ZNF532: variants seen among roughly 807,000 people sequenced by gnomAD.
ZNF532 encodes the protein zinc finger protein 532.
A neutral mutation model predicts 89.3 loss-of-function variants in ZNF532; 22 were observed. The ratio of observed to expected loss-of-function variants is 0.25; its 90% CI spans 0.18 to 0.35. The LOEUF (loss-of-function observed/expected upper bound fraction) is 0.35. Among genes scored for constraint, ZNF532 ranks in the 10% least tolerant of loss-of-function variants. ZNF532 has a pLI of 1.00. For missense variants in ZNF532, 1,132 were observed against 1,643.4 expected, an observed-to-expected ratio of 0.69 and a Z score of 5.38; for synonymous variants, 606 against 649.6, an observed-to-expected ratio of 0.93 and a Z score of 1.02.
At chr18:58,933,785 A>G (rs956080605) in intron 3 of ZNF532, among the ~76,000 whole-genome samples, 3 of 152,198 alleles carry the variant, frequency 2.0e-5, no homozygotes, top group Non-Finnish European at 2.9e-5. Context: ...TATTTTATAC[A>G]TAATCAGATT....
At chr18:58,887,887 C>T (rs567752543) in intron 2 of ZNF532, among the ~76,000 whole-genome samples, 13 of 152,250 alleles carry the variant, frequency 8.5e-5, no homozygotes, top group East Asian at 3.9e-4. Context: ...CTGCGTCCCC[C>T]GGGGCAGAGG....
chr18:58,898,965 T>C (rs1446471517), intron 2 of ZNF532, among the ~76,000 whole-genome samples: 1 of 152,256 alleles, frequency 6.6e-6, no homozygotes, highest in East Asian at 1.9e-4. Flanking sequence ...AAGCATAGTC[T>C]CTGGCTTTCA....
intron 2 of ZNF532, among the ~76,000 whole-genome samples, chr18:58,912,629 C>T (rs57892941): frequency 1.3e-5 from 2 of 151,998 alleles, no homozygotes; most frequent in African/African-American, 4.8e-5. Flanking sequence ...CTGGCTGTCT[C>T]GACTTAATCA....
At chr18:58,946,684 A>G (rs1304538218) in intron 5 of ZNF532, among the ~76,000 whole-genome samples, 2 of 152,206 alleles carry the variant, frequency 1.3e-5, no homozygotes, top group African/African-American at 2.4e-5. Context: ...GCTACGGTTA[A>G]TGATGACAAA....
At chr18:58,928,190 C>T (rs892106018) in intron 3 of ZNF532, among the ~76,000 whole-genome samples, 4 of 152,198 alleles carry the variant, frequency 2.6e-5, no homozygotes, top group Non-Finnish European at 4.4e-5. Context: ...TGCCTGTGAG[C>T]ACCAGCTGGG....
At chr18:58,923,992 GATTACAGGC>G (rs1456294530) in intron 3 of ZNF532, among the ~76,000 whole-genome samples, 1 of 152,146 alleles carries the variant, frequency 6.6e-6, no homozygotes, top group Non-Finnish European at 1.5e-5. Context: ...GAGCAGCTGG[GATTACAGGC>G]ACACATCACC....
intron 7 of ZNF532, among the ~76,000 whole-genome samples, chr18:58,962,457 C>T (rs2065451593): frequency 1.3e-5 from 2 of 152,126 alleles, no homozygotes; most frequent in Admixed American, 1.3e-4. Context: ...AGGAAGAAGT[C>T]CTTGTCAGCA....
At chr18:58,981,776 G>C (rs141879966) in intron 9 of ZNF532, among the ~76,000 whole-genome samples, 159 bp downstream of exon 9, 1 of 152,072 alleles carries the variant, frequency 6.6e-6, no homozygotes, top group Non-Finnish European at 1.5e-5. Context: ...AGGCCGAGGC[G>C]GGTAAATCAC....
chr18:58,896,314 C>T (rs1018753436), intron 2 of ZNF532: 5 of 151,996 alleles, frequency 3.3e-5, no homozygotes, highest in Non-Finnish European at 7.4e-5. Context: ...AAAAGTTTTC[C>T]ATCACCTTCA....
chr18:58,869,098 G>T (rs1333998242), intron 2 of ZNF532, among the ~76,000 whole-genome samples: 1 of 152,212 alleles, frequency 6.6e-6, no homozygotes, highest in Non-Finnish European at 1.5e-5. Context: ...TGGGATCACT[G>T]TGTGTACGTG....
At chr18:58,900,298 G>C (rs1485464898) in intron 2 of ZNF532, among the ~76,000 whole-genome samples, 2 of 152,210 alleles carry the variant, frequency 1.3e-5, no homozygotes, top group Non-Finnish European at 2.9e-5. Context: ...TCTGCCTGGG[G>C]GATAAACTTG....
rs192310041 is a variant in ZNF532 at position 58,895,607 on chromosome 18, G to A, written c.-17-22664G>A. On this transcript the variant is annotated intron_variant, in intron 2 of 9. Transcript: ENST00000591808. ...CTGAGGCTGGCTGCCAGTCTATATC[G>A]TACGTGTCTCTTCCCAGCTCCACCA... is the stretch of plus-strand genomic sequence containing the variant. Among the ~76,000 whole-genome samples, 14 of 152,248 alleles carry A rather than the reference G, an allele frequency of 9.2e-5. No individual in the cohort carries two copies. The East Asian group carries it at 1.5e-3, about 17-fold the overall frequency.
chr18:58,961,572 C>T (rs552257083), intron 7 of ZNF532, among the ~76,000 whole-genome samples: 2 of 152,206 alleles, frequency 1.3e-5, no homozygotes, highest in African/African-American at 4.8e-5. Context: ...CAAGTATATT[C>T]CCGCGTGTAC....
intron 7 of ZNF532, among the ~76,000 whole-genome samples, chr18:58,970,491 G>C (rs893634874): frequency 6.6e-6 from 1 of 152,242 alleles, no homozygotes; most frequent in Admixed American, 6.5e-5. Context: ...GCCAGATCTA[G>C]ACAAATAGGG....
intron 5 of ZNF532, 119 bp from the exon 6 acceptor site, chr18:58,947,948 T>A: frequency 1.1e-6 from 1 of 883,594 alleles, no homozygotes; most frequent in Non-Finnish European, 1.7e-6. Context: ...TTGTTCTATT[T>A]ATTGTGTTTG....
intron 2 of ZNF532, among the ~76,000 whole-genome samples, chr18:58,911,899 T>C (rs12958885): frequency 0.44 from 66,912 of 151,796 alleles, 15,234 homozygotes; most frequent in East Asian, 0.64. Context: ...AGTTGGGGAG[T>C]GAGCTTTCTT....
chr18:58,923,640 T>G (rs958598748), intron 3 of ZNF532, among the ~76,000 whole-genome samples: 2 of 151,870 alleles, frequency 1.3e-5, no homozygotes, highest in African/African-American at 4.8e-5. Context: ...AAAGAGAAAA[T>G]AGCCTTTGTT....
At chr18:58,892,400 T>C (rs2058963638) in intron 2 of ZNF532, among the ~76,000 whole-genome samples, 1 of 152,244 alleles carries the variant, frequency 6.6e-6, no homozygotes, top group South Asian at 2.1e-4. Context: ...CCTGGAACGG[T>C]ATCTGGGATA....
intron 3 of ZNF532, among the ~76,000 whole-genome samples, chr18:58,923,653 A>C (rs1452060618): frequency 6.6e-6 from 1 of 152,154 alleles, no homozygotes; most frequent in Non-Finnish European, 1.5e-5. Flanking sequence ...CCTTTGTTTC[A>C]TCCTTCTCGT....
Sources: allele counts gnomAD v4.1 joint callset (sites outside exome capture counted in the v4.1 genomes callset), GRCh38; gene constraint gnomAD v4.1.1; transcripts MANE v1.5; gene names NCBI Gene and HGNC (gene_info 2026-07-23, HGNC 2026-07-21).